The following GMPS variants were observed in gnomAD, a reference collection of about 807,000 sequenced individuals.
GMPS encodes guanosine monophosphate synthase.
A neutral mutation model predicts 77.9 loss-of-function variants in GMPS; 15 were observed. That is an observed-to-expected ratio of 0.19 (90% CI 0.13 to 0.30). The LOEUF is 0.30. Ranked by LOEUF, GMPS falls within the 10% of genes least tolerant of loss-of-function variation. The pLI is 1.00. For missense variants in GMPS, 590 were observed against 838.8 expected (o/e 0.70, Z 3.66); for synonymous variants, 224 against 275.9 (o/e 0.81, Z 1.86).
At chr3:155,872,264 T>G (rs1753924873) in intron 1 of GMPS, among the ~76,000 whole-genome samples, 1 of 152,162 alleles carries the variant, frequency 6.6e-6, no homozygotes. Flanking sequence ...AGTAAAAGAT[T>G]ATAAGGTAGC....
rs59464061 is a variant in GMPS, at chr3:155,899,432, CT to C, written c.324+1403del. Among the ~76,000 whole-genome samples the C allele has an allele frequency of 8.1e-4, 116 of 143,586 alleles. 2 individuals are homozygous for C. The highest frequency in any genetic ancestry group is 2.3e-3 in the African/African-American group (91 of 39,292). 94.2% of individuals were successfully genotyped at this position (143,586 alleles called of 152,430 possible). A position where few individuals can be genotyped will look rare whatever the true frequency, so the allele number is the denominator to read the frequency against. On this transcript the variant is annotated intron_variant, in intron 3 of 15. Coordinates refer to ENST00000496455, the MANE Select transcript of GMPS (RefSeq NM_003875.3). ...TCTTGAGATAAGATACTCTTCTTTT[CT>C]TTTTTTTTTTTCAATTACTTTGTTT...
chr3:155,909,332 C>G (rs12494104), intron 5 of GMPS, among the ~76,000 whole-genome samples: 6,606 of 152,200 alleles, frequency 0.043, 257 homozygotes, highest in East Asian at 0.18. Flanking sequence ...ACAGTATATT[C>G]TGACAAGTCT....
In GMPS at chr3:155,928,733, GT is replaced by G. The variant is rs754827066; in HGVS notation, c.1561-3031del. 1.9e-3 allele frequency among the ~76,000 whole-genome samples: 234 copies of G among 123,798 alleles called. 8 individuals are homozygous for G. The East Asian group carries it at 0.037, about 20-fold the overall frequency. 81.2% of individuals were successfully genotyped at this position (123,798 alleles called of 152,430 possible). On this transcript the variant is annotated intron_variant, in intron 12 of 15. Transcript: ENST00000496455. ...CCCAGAGTGTGATATTCCCCTTCCT[GT>G]GTCCATGTGATCTCATTGTTCAATT...
At chr3:155,914,381 G>A (rs1755116263) in intron 7 of GMPS, 38 bp from the exon 8 acceptor site, 1 of 1,433,560 alleles carries the variant, frequency 7.0e-7, no homozygotes, top group Non-Finnish European at 9.3e-7. Context: ...TAAAAAACAT[G>A]TTATACCAAT....
chr3:155,929,969 C>T (rs1471400514), intron 12 of GMPS, among the ~76,000 whole-genome samples: 1 of 148,656 alleles, frequency 6.7e-6, no homozygotes, highest in Non-Finnish European at 1.5e-5. Flanking sequence ...AGTGCCATCC[C>T]CATCAAGCTA....
chr3:155,893,796 T>C (rs756117886), intron 2 of GMPS, 97 bp downstream of exon 2: 73 of 663,652 alleles, frequency 1.1e-4, no homozygotes, highest in Admixed American at 1.5e-4. Flanking sequence ...TCTACGAAAA[T>C]AAGATATGGA....
rs543422289 is a variant in GMPS, at chr3:155,942,793, C to T, written c.*5101C>T. 1.0e-4 allele frequency: 23 copies of T among 221,708 alleles called. No individual in the cohort carries two copies. The South Asian group carries it at 3.9e-3, about 37-fold the overall frequency. 13.7% of individuals were successfully genotyped at this position (221,708 alleles called of 1,614,324 possible). A position where few individuals can be genotyped will look rare whatever the true frequency, so the allele number is the denominator to read the frequency against. On this transcript the variant is annotated 3_prime_UTR_variant, in exon 16 of 16. Coordinates refer to ENST00000496455, the MANE Select transcript of GMPS (RefSeq NM_003875.3). ...GCTCCAATTCTGACTCTAGCTAGGT[C>T]ATGAAACAGACTGAGCTATTATTGC...
chr3:155,913,545 A>G (rs1372905504), intron 7 of GMPS, among the ~76,000 whole-genome samples: 2 of 148,794 alleles, frequency 1.3e-5, no homozygotes, highest in African/African-American at 4.9e-5. Context: ...TTTTTGAGAC[A>G]GAGTCTTGTT....
At chr3:155,930,927 A>G (rs1755598839) in intron 12 of GMPS, among the ~76,000 whole-genome samples, 1 of 152,118 alleles carries the variant, frequency 6.6e-6, no homozygotes, top group African/African-American at 2.4e-5. Flanking sequence ...GGCTCAGGTG[A>G]TCCTCCTATC....
At chr3:155,920,379 T>G (rs1755288183) in intron 10 of GMPS, among the ~76,000 whole-genome samples, 1 of 151,710 alleles carries the variant, frequency 6.6e-6, no homozygotes. Context: ...TGTGGACCGG[T>G]GTGGTGGCTC....
At chr3:155,913,588 C>T (rs1443738359) in intron 7 of GMPS, among the ~76,000 whole-genome samples, 2 of 151,782 alleles carry the variant, frequency 1.3e-5, no homozygotes, top group East Asian at 1.9e-4. Flanking sequence ...GTGGCACAAC[C>T]TCGGCTCACT....
At chr3:155,893,446 A>C (rs1403585077) in intron 1 of GMPS, 72 bp from the exon 2 acceptor site, 1 of 984,326 alleles carries the variant, frequency 1.0e-6, no homozygotes, top group African/African-American at 1.7e-5. Flanking sequence ...GACAGTGATC[A>C]TTAATTTTTT....
At chr3:155,927,389 A>G (rs12636569) in intron 12 of GMPS, among the ~76,000 whole-genome samples, 28,352 of 152,166 alleles carry the variant, frequency 0.19, 2,828 homozygotes, top group South Asian at 0.26. Context: ...AACTGCTGCT[A>G]CAAAGGGAGT....
At chr3:155,872,918 C>G (rs1203258639) in intron 1 of GMPS, among the ~76,000 whole-genome samples, 2 of 152,140 alleles carry the variant, frequency 1.3e-5, no homozygotes, top group Non-Finnish European at 2.9e-5. Context: ...TGATCATAAA[C>G]ATTTTAAGTA....
Position 155,931,691 on chromosome 3 carries a change from A to G in GMPS, c.1561-74A>G, listed in dbSNP as rs1577536345. 6 of 612,760 alleles carry G rather than the reference A, an allele frequency of 9.8e-6. No individual in the cohort carries two copies. The East Asian group carries it at 1.8e-4, about 18-fold the overall frequency. 38.0% of individuals were successfully genotyped at this position (612,760 alleles called of 1,614,324 possible). A position where few individuals can be genotyped will look rare whatever the true frequency, so the allele number is the denominator to read the frequency against. ...ATCTTTTCTTTTTTTTTTAAAAAAA[A>G]AAAAAAGCTTTGTCAAGTTAAACTG... On this transcript the variant is annotated intron_variant, in intron 12 of 15. Coordinates refer to ENST00000496455, the MANE Select transcript of GMPS (RefSeq NM_003875.3).
chr3:155,875,509 C>T (rs1754028038), intron 1 of GMPS, among the ~76,000 whole-genome samples: 1 of 152,214 alleles, frequency 6.6e-6, no homozygotes, highest in Admixed American at 6.5e-5. Flanking sequence ...AGATGATAGG[C>T]GTGAGCCATT....
chr3:155,914,510 G>T lies in GMPS; in HGVS notation c.978G>T (p.Thr326=). 1 of 1,604,976 alleles carries T rather than the reference G, an allele frequency of 6.2e-7. No individual in the cohort carries two copies. The highest frequency in any genetic ancestry group is 1.1e-5 in the South Asian group (1 of 88,810). Residue 326 remains threonine, a synonymous_variant, in exon 8 of 16, where the codon ACG becomes ACT. Coordinates refer to ENST00000496455, the MANE Select transcript of GMPS (RefSeq NM_003875.3). ...DRTPRKRISK[T]LNMTTSPEEK... ...CCCCACGGAAAAGAATTAGCAAAAC[G>T]TTAAATATGACCACAAGTCCTGAAG...
At chr3:155,904,376 G>A (rs1437347358) in intron 4 of GMPS, among the ~76,000 whole-genome samples, 3 of 150,948 alleles carry the variant, frequency 2.0e-5, no homozygotes, top group South Asian at 2.1e-4. Context: ...TGCAACGTCC[G>A]CCTCCTGGGT....
At chr3:155,873,666 G>A (rs550883405) in intron 1 of GMPS, among the ~76,000 whole-genome samples, 1 of 40,058 alleles carries the variant, frequency 2.5e-5, no homozygotes, top group Non-Finnish European at 6.8e-5. Flanking sequence ...ATGGAGTCTA[G>A]CTCTGTCGCC....
Sources: allele counts gnomAD v4.1 joint callset (sites outside exome capture counted in the v4.1 genomes callset), GRCh38; gene constraint gnomAD v4.1.1; transcripts MANE v1.5; gene names NCBI Gene and HGNC (gene_info 2026-07-23, HGNC 2026-07-21).